The following NSMCE2 variants were observed in gnomAD, a reference collection of about 807,000 sequenced individuals.
The protein encoded by NSMCE2 is E3 SUMO-protein ligase NSE2.
Under a neutral mutation model 23.8 loss-of-function variants are expected in NSMCE2, and 24 were observed. The ratio of observed to expected loss-of-function variants is 1.01; its 90% CI spans 0.73 to 1.42. The LOEUF (loss-of-function observed/expected upper bound fraction) is 1.42, where lower values mean the gene tolerates loss of function less well. Among genes scored for constraint, NSMCE2 ranks in the 40% most tolerant of loss-of-function variants. The probability of loss-of-function intolerance (pLI) is 0.00; values close to 1 mark genes in which losing one functional copy is unlikely to be tolerated. For synonymous variants in NSMCE2, 92 were observed against 94.1 expected (o/e 0.98, Z 0.13); for missense variants, 284 against 296.5 (o/e 0.96, Z 0.31).
rs548793987 is a variant in NSMCE2, at chr8:125,318,830, G to A, written c.419-38389G>A. Among the ~76,000 whole-genome samples the A allele has an allele frequency of 4.6e-5, 7 of 152,322 alleles. 1 individual carries two copies. The South Asian group carries it at 1.5e-3, about 32-fold the overall frequency. ...GAGAGTTTTCAGGCCATAGTACAGG[G>A]AAGGGGAACCTAGGCAGATCCTTGT... On this transcript the variant is annotated intron_variant, in intron 5 of 7. Transcript: ENST00000287437.
chr8:125,112,199 A>G (rs1057349884), intron 3 of NSMCE2, among the ~76,000 whole-genome samples: 1 of 152,274 alleles, frequency 6.6e-6, no homozygotes, highest in Non-Finnish European at 1.5e-5. Flanking sequence ...AGATTATTAA[A>G]CATATATACT....
chr8:125,123,500 C>T (rs963094387), intron 3 of NSMCE2, among the ~76,000 whole-genome samples: 5 of 152,212 alleles, frequency 3.3e-5, no homozygotes, highest in African/African-American at 1.2e-4. Context: ...AGCTAAAGCT[C>T]GAAGGGTTAA....
At chr8:125,235,081 A>G (rs373738008) in intron 5 of NSMCE2, among the ~76,000 whole-genome samples, 60 of 152,200 alleles carry the variant, frequency 3.9e-4, no homozygotes, top group African/African-American at 1.4e-3. Context: ...ACCCACCTCT[A>G]CTAAAAATAC....
At chr8:125,233,029 G>T (rs1366863881) in intron 5 of NSMCE2, among the ~76,000 whole-genome samples, 1 of 152,146 alleles carries the variant, frequency 6.6e-6, no homozygotes. Context: ...GCAATTGCCG[G>T]CTCTGTCATC....
intron 4 of NSMCE2, among the ~76,000 whole-genome samples, chr8:125,166,333 C>G (rs1223745655): frequency 6.6e-6 from 1 of 152,168 alleles, no homozygotes; most frequent in Admixed American, 6.5e-5. Flanking sequence ...GTGGCGCGAT[C>G]TCAGCTTACT....
At chr8:125,129,731 A>G (rs1237012303) in intron 3 of NSMCE2, among the ~76,000 whole-genome samples, 1 of 151,958 alleles carries the variant, frequency 6.6e-6, no homozygotes, top group East Asian at 1.9e-4. Context: ...TTTAAATGCA[A>G]CTTCATCTCT....
intron 5 of NSMCE2, among the ~76,000 whole-genome samples, chr8:125,315,223 C>A (rs1255112226): frequency 6.6e-6 from 1 of 151,880 alleles, no homozygotes; most frequent in Non-Finnish European, 1.5e-5. Context: ...GAATGTCAGG[C>A]CCCAAGTACC....
intron 5 of NSMCE2, among the ~76,000 whole-genome samples, chr8:125,246,240 A>G (rs760909602): frequency 6.0e-5 from 9 of 150,590 alleles, no homozygotes; most frequent in Admixed American, 3.3e-4. Flanking sequence ...CTGGAGTGCA[A>G]TGTCGCAATC....
intron 5 of NSMCE2, among the ~76,000 whole-genome samples, chr8:125,254,125 T>C (rs1306808283): frequency 1.3e-5 from 2 of 152,246 alleles, no homozygotes; most frequent in Non-Finnish European, 2.9e-5. Context: ...TTGATTTTCA[T>C]TGGTATCAAA....
chr8:125,356,549 G>C (rs1332649283), intron 5 of NSMCE2, among the ~76,000 whole-genome samples: 2 of 151,934 alleles, frequency 1.3e-5, no homozygotes. Context: ...GGATGGTCTC[G>C]ATCTCTTGAC....
chr8:125,165,152 C>G (rs1821811586), intron 4 of NSMCE2, among the ~76,000 whole-genome samples: 3 of 152,154 alleles, frequency 2.0e-5, no homozygotes. Context: ...CATAAACCTT[C>G]GATTTCCTTA....
chr8:125,314,910 G>A (rs1212954010), intron 5 of NSMCE2, among the ~76,000 whole-genome samples: 1 of 152,166 alleles, frequency 6.6e-6, no homozygotes, highest in Non-Finnish European at 1.5e-5. Context: ...AAAGCGAGAT[G>A]TTGGGTGGAA....
intron 5 of NSMCE2, among the ~76,000 whole-genome samples, chr8:125,356,839 C>T (rs1024275237): frequency 1.7e-4 from 26 of 152,270 alleles, no homozygotes; most frequent in African/African-American, 6.3e-4. Context: ...TTCTTCATCT[C>T]TTTTAATCTT....
At chr8:125,258,492 T>C (rs1189878593) in intron 5 of NSMCE2, among the ~76,000 whole-genome samples, 1 of 144,648 alleles carries the variant, frequency 6.9e-6, no homozygotes, top group African/African-American at 2.6e-5. Flanking sequence ...CTCCCCTGAG[T>C]GAGGGAGAAT....
chr8:125,333,139 A>G (rs1473228888), intron 5 of NSMCE2, among the ~76,000 whole-genome samples: 2 of 151,132 alleles, frequency 1.3e-5, no homozygotes, highest in Non-Finnish European at 3.0e-5. Context: ...CTCCAACAGT[A>G]GACCTAAGAA....
chr8:125,207,851 A>G (rs1563719742), intron 5 of NSMCE2, among the ~76,000 whole-genome samples: 1 of 152,328 alleles, frequency 6.6e-6, no homozygotes, highest in East Asian at 1.9e-4. Flanking sequence ...ATTTGTTCAC[A>G]TGGTAGCAGT....
At chr8:125,117,150 C>T (rs1402956779) in intron 3 of NSMCE2, among the ~76,000 whole-genome samples, 1 of 152,148 alleles carries the variant, frequency 6.6e-6, no homozygotes, top group African/African-American at 2.4e-5. Context: ...AGTGGACTTG[C>T]AGTGGTGTCT....
chr8:125,232,668 A>G (rs1431917359), intron 5 of NSMCE2, among the ~76,000 whole-genome samples: 5 of 152,180 alleles, frequency 3.3e-5, no homozygotes, highest in Non-Finnish European at 5.9e-5. Context: ...CCCCACCTTC[A>G]ACATTGGGCA....
At chr8:125,244,538 T>A (rs1825884482) in intron 5 of NSMCE2, among the ~76,000 whole-genome samples, 2 of 152,080 alleles carry the variant, frequency 1.3e-5, no homozygotes, top group South Asian at 2.1e-4. Context: ...AATTGGCTTT[T>A]AAAAAAAATT....
Sources: gnomAD v4.1 joint callset for allele counts (sites outside exome capture counted in the v4.1 genomes callset) on GRCh38, gnomAD v4.1.1 for gene constraint, MANE v1.5 for transcripts, NCBI Gene and HGNC (gene_info 2026-07-23, HGNC 2026-07-21) for gene names.